The following AK9 variants were observed in gnomAD, a reference collection of about 807,000 sequenced individuals.
AK9 encodes adenylate kinase 9.
In AK9, 191 loss-of-function variants were observed where a neutral mutation model predicts 239.6. That is an observed-to-expected ratio of 0.80 (90% CI 0.71 to 0.90). The LOEUF (loss-of-function observed/expected upper bound fraction) is 0.90. Ranked by LOEUF, AK9 falls within the 40% of genes least tolerant of loss-of-function variation. The probability of loss-of-function intolerance (pLI) is 0.00; values close to 1 mark genes in which losing one functional copy is unlikely to be tolerated. For missense variants in AK9, 1,995 were observed against 2,214.7 expected (o/e 0.90, Z 1.99); for synonymous variants, 689 against 721.0 (o/e 0.96, Z 0.71).
rs1213278124 is a variant in AK9 at position 109,668,335 on chromosome 6, C to T, written c.331+3584G>A. ...TGAGTAGGTTGCAAAAATTTTCTCC[C>T]ATTCTGTAGGTTGCCTGTTCACTCT... On this transcript the variant is annotated intron_variant, in intron 5 of 40. Transcript: ENST00000424296. Among the ~76,000 whole-genome samples, 8 of 151,956 alleles carry T rather than the reference C, an allele frequency of 5.3e-5. No homozygotes were observed. In the South Asian group the frequency reaches 6.2e-4, roughly 12 times the overall value.
intron 24 of AK9, among the ~76,000 whole-genome samples, chr6:109,553,408 G>C (rs569985206): frequency 3.8e-4 from 58 of 152,166 alleles, no homozygotes; most frequent in African/African-American, 1.3e-3. Flanking sequence ...CCTTGAAGAG[G>C]TCCTTCATAT....
chr6:109,497,360 A>ACT lies in AK9; in HGVS notation c.5315+104_5315+105insAG, dbSNP rs1199537013. ...CACACACACACACACACACACACAC[A>ACT]CACTCTCTCTCTCTCTCTCTCTCTC... On this transcript the variant is annotated intron_variant, in intron 38 of 40. Coordinates refer to ENST00000424296, the MANE Select transcript of AK9 (RefSeq NM_001145128.3). 1,317 of 557,444 alleles carry ACT rather than the reference A, an allele frequency of 2.4e-3. 10 individuals carry two copies. In the African/African-American group the frequency reaches 0.03, roughly 13 times the overall value. The allele number at this position is 557,444 out of a possible 1,614,324, so 34.5% of individuals were successfully genotyped here. A position where few individuals can be genotyped will look rare whatever the true frequency, so the allele number is the denominator to read the frequency against.
At chr6:109,668,088 C>T (rs929696336) in intron 5 of AK9, among the ~76,000 whole-genome samples, 2 of 152,182 alleles carry the variant, frequency 1.3e-5, no homozygotes, top group South Asian at 2.1e-4. Context: ...TTAATGATTG[C>T]CATTCTAACT....
At chr6:109,526,850 T>C (rs1780586440) in intron 29 of AK9, among the ~76,000 whole-genome samples, 1 of 152,166 alleles carries the variant, frequency 6.6e-6, no homozygotes, top group African/African-American at 2.4e-5. Flanking sequence ...GTATCAACCT[T>C]TGGGTCTAAA....
At chr6:109,612,312 T>C (rs768248607) in intron 15 of AK9, among the ~76,000 whole-genome samples, 3 of 152,140 alleles carry the variant, frequency 2.0e-5, no homozygotes, top group Non-Finnish European at 4.4e-5. Context: ...ATAATGCCAA[T>C]GGATCTAAAT....
At chr6:109,609,134 T>G (rs1056908112) in intron 17 of AK9, among the ~76,000 whole-genome samples, 12 of 152,332 alleles carry the variant, frequency 7.9e-5, no homozygotes, top group Non-Finnish European at 1.3e-4. Context: ...TATATTCCTA[T>G]ATCAGAAGTG....
At position 109,563,718 on chromosome 6, in the gene AK9, G is replaced by C; in HGVS notation, c.2636-6C>G. 1 of 1,544,634 alleles carries C rather than the reference G, an allele frequency of 6.5e-7. No individual in the cohort carries two copies. The highest frequency in any genetic ancestry group is 8.7e-7 in the Non-Finnish European group (1 of 1,143,988). ...TGCAGTATATTGAAATGGTTCTGGA[G>C]AAAAAGAGAATCATTGGGGAAAATA... On this transcript the variant is annotated splice_polypyrimidine_tract_variant and splice_region_variant and intron_variant, in intron 23 of 40. Transcript: ENST00000424296.
At chr6:109,504,862 G>T (rs187692689) in intron 35 of AK9, among the ~76,000 whole-genome samples, 1 of 152,098 alleles carries the variant, frequency 6.6e-6, no homozygotes, top group Admixed American at 6.6e-5. Flanking sequence ...GCAACTCTAC[G>T]CCTGAAAGTA....
intron 12 of AK9, among the ~76,000 whole-genome samples, chr6:109,625,685 A>AC (rs1795444081): frequency 6.6e-6 from 1 of 152,130 alleles, no homozygotes; most frequent in African/African-American, 2.4e-5. Flanking sequence ...CACCCCCACA[A>AC]CCCAGTCTGT....
chr6:109,536,994 G>A (rs1224896475), intron 27 of AK9, among the ~76,000 whole-genome samples: 1 of 152,198 alleles, frequency 6.6e-6, no homozygotes, highest in Non-Finnish European at 1.5e-5. Context: ...TGTGCTGTTG[G>A]ATTCTGTTTG....
chr6:109,499,457 T>C (rs1472134693), intron 35 of AK9, among the ~76,000 whole-genome samples: 2 of 152,184 alleles, frequency 1.3e-5, no homozygotes, highest in Non-Finnish European at 2.9e-5. Flanking sequence ...TTGTATCTTT[T>C]TCAGTCTTTT....
At chr6:109,542,364 A>T (rs1783008507) in intron 26 of AK9, among the ~76,000 whole-genome samples, 193 bp from the exon 27 acceptor site, 1 of 152,200 alleles carries the variant, frequency 6.6e-6, no homozygotes, top group Admixed American at 6.5e-5. Flanking sequence ...GGGTACAAAC[A>T]TACAGTTAGA....
intron 24 of AK9, 103 bp from the exon 25 acceptor site, chr6:109,550,405 C>T (rs1784221416): frequency 2.0e-6 from 2 of 1,018,040 alleles, no homozygotes; most frequent in Admixed American, 5.8e-5. Context: ...TCTGTAGCAA[C>T]TTGAAAACTA....
rs765433291 is a variant in AK9 at position 109,495,440 on chromosome 6, C to T, written c.5316G>A (p.Arg1772=). ...ENKEKLQKFL[R]SPLKYWEQKL... ...TCTGTTCCCAGTATTTCAGTGGCGA[C>T]CTAAGAACACAAAGTTCATTAGATG... is the stretch of plus-strand genomic sequence containing the variant. The change falls in exon 39 of 41, where the codon AGG becomes AGA. Residue 1772 remains arginine, a splice_region_variant and synonymous_variant. Transcript: ENST00000424296. The T allele has an allele frequency of 6.2e-7, 1 of 1,610,420 alleles. No homozygotes were observed. Among genetic ancestry groups the T allele is most frequent in the Non-Finnish European group, 8.5e-7 (1 of 1,178,078 alleles).
Position 109,542,037 on chromosome 6 carries a change from A to G in AK9, c.3350+10T>C. On this transcript the variant is annotated intron_variant, in intron 27 of 40. Coordinates refer to ENST00000424296, the MANE Select transcript of AK9 (RefSeq NM_001145128.3). ...CAAATAAATGTACAATTCTATATAAATTAAGATACCGTATTGGTTCCTTAA... is the reference window on the plus strand; with the variant it reads ...CAAATAAATGTACAATTCTATATAAGTTAAGATACCGTATTGGTTCCTTAA... 1.9e-6 allele frequency: 3 copies of G among 1,559,254 alleles called. No individual in the cohort carries two copies. Among genetic ancestry groups the G allele is most frequent in the Non-Finnish European group, 2.6e-6 (3 of 1,151,784 alleles).
At chr6:109,565,089 C>T (rs1440042187) in intron 21 of AK9, among the ~76,000 whole-genome samples, 1 of 152,134 alleles carries the variant, frequency 6.6e-6, no homozygotes, top group Non-Finnish European at 1.5e-5. Flanking sequence ...ATGGCACATA[C>T]AATTCTGGCT....
chr6:109,649,076 T>C (rs1407112738), intron 8 of AK9, among the ~76,000 whole-genome samples: 4 of 152,226 alleles, frequency 2.6e-5, no homozygotes, highest in South Asian at 4.1e-4. Context: ...AAATTAGTTA[T>C]TGATGGGACA....
At chr6:109,602,560 G>T (rs1474010704) in intron 17 of AK9, among the ~76,000 whole-genome samples, 1 of 152,068 alleles carries the variant, frequency 6.6e-6, no homozygotes, top group East Asian at 1.9e-4. Context: ...TCTTGGAGTT[G>T]CTCTTCTCGA....
At chr6:109,668,545 T>G (rs1213737326) in intron 5 of AK9, among the ~76,000 whole-genome samples, 1 of 150,390 alleles carries the variant, frequency 6.6e-6, no homozygotes, top group African/African-American at 2.4e-5. Flanking sequence ...AACATTTAAG[T>G]CTTTAATCCA....
Sources: allele counts gnomAD v4.1 joint callset (sites outside exome capture counted in the v4.1 genomes callset), GRCh38; gene constraint gnomAD v4.1.1; transcripts MANE v1.5; gene names NCBI Gene and HGNC (gene_info 2026-07-23, HGNC 2026-07-21).